Variants in TTC33 observed in about 807,000 individuals in gnomAD.
The protein encoded by TTC33 is tetratricopeptide repeat domain 33.
A neutral mutation model predicts 29.4 loss-of-function variants in TTC33; 24 were observed. The ratio of observed to expected loss-of-function variants is 0.82; its 90% CI spans 0.59 to 1.15. TTC33 has a LOEUF of 1.15. Among genes scored for constraint, TTC33 ranks in the 50% most tolerant of loss-of-function variants. The pLI, the probability that TTC33 is intolerant of heterozygous loss-of-function variation, is 0.00. For missense variants in TTC33, 286 were observed against 310.4 expected, an observed-to-expected ratio of 0.92 and a Z score of 0.59; for synonymous variants, 107 against 100.3, an observed-to-expected ratio of 1.07 and a Z score of -0.40.
At chr5:40,755,583 G>C (rs950717005) in intron 1 of TTC33, among the ~76,000 whole-genome samples, 1 of 152,218 alleles carries the variant, frequency 6.6e-6, no homozygotes, top group African/African-American at 2.4e-5. Context: ...CCGACCCTCA[G>C]ACTCGCTTGT....
intron 2 of TTC33, among the ~76,000 whole-genome samples, chr5:40,731,526 A>G (rs139945363): frequency 9.8e-5 from 15 of 152,316 alleles, no homozygotes; most frequent in African/African-American, 3.1e-4. Flanking sequence ...AAGCAAACAC[A>G]TCCTTCTTCA....
At chr5:40,733,980 C>T (rs1292508654) in intron 2 of TTC33, among the ~76,000 whole-genome samples, 4 of 152,196 alleles carry the variant, frequency 2.6e-5, no homozygotes, top group Non-Finnish European at 5.9e-5. Context: ...CTCAACTGCA[C>T]TGTCTTTTAT....
chr5:40,744,278 T>C (rs983463488), intron 2 of TTC33, among the ~76,000 whole-genome samples: 1 of 152,194 alleles, frequency 6.6e-6, no homozygotes, highest in African/African-American at 2.4e-5. Flanking sequence ...TAATTGATCT[T>C]GATTGCTATT....
At chr5:40,733,475 A>C (rs193256401) in intron 2 of TTC33, among the ~76,000 whole-genome samples, 369 of 152,336 alleles carry the variant, frequency 2.4e-3, no homozygotes, top group African/African-American at 8.5e-3. Context: ...TTATAAATAA[A>C]GTTTGCCAAC....
At chr5:40,753,972 G>C (rs1742941678) in intron 1 of TTC33, among the ~76,000 whole-genome samples, 2 of 151,876 alleles carry the variant, frequency 1.3e-5, no homozygotes, top group Admixed American at 6.6e-5. Context: ...CTGTGATAGG[G>C]TGGGAAGGAA....
chr5:40,728,434 C>T lies in TTC33; in HGVS notation c.346G>A (p.Ala116Thr). 1.2e-6 allele frequency: 2 copies of T among 1,613,712 alleles called. No homozygotes were observed. The highest frequency in any genetic ancestry group is 1.7e-6 in the Non-Finnish European group (2 of 1,179,898). The part of the protein sequence containing the change: ...LHEMFPAVHA[A>T]EMAVQQNPHS... ...GGATTTTGCTGGACGGCCATTTCTG[C>T]TGCATGTACTGCTGGGAACATTTCA... Residue 116 changes from alanine (A) to threonine (T), a missense_variant, in exon 4 of 5, where the codon GCA becomes ACA. Transcript: ENST00000337702.
intron 1 of TTC33, among the ~76,000 whole-genome samples, chr5:40,748,028 T>C (rs187630390): frequency 2.0e-5 from 3 of 152,198 alleles, no homozygotes; most frequent in Admixed American, 6.5e-5. Context: ...GATTTCACCA[T>C]GTTAGCCAGG....
chr5:40,751,799 A>G (rs1366529796), intron 1 of TTC33, among the ~76,000 whole-genome samples: 1 of 152,086 alleles, frequency 6.6e-6, no homozygotes, highest in Non-Finnish European at 1.5e-5. Context: ...TCTACTAAAA[A>G]TACAAAAATT....
intron 2 of TTC33, among the ~76,000 whole-genome samples, chr5:40,746,470 G>T (rs1742789995): frequency 6.6e-6 from 1 of 152,022 alleles, no homozygotes. Flanking sequence ...AGTTTCCAGT[G>T]ATAAGACCAC....
rs11553156 is a variant in TTC33, at chr5:40,712,671, T to C, written c.*3474A>G. On this transcript the variant is annotated 3_prime_UTR_variant, in exon 5 of 5. Coordinates refer to ENST00000337702, the MANE Select transcript of TTC33 (RefSeq NM_012382.3). ...CCACAACATCGGTTCTCTGCAGTTA[T>C]GACAAATCCACAAAAGGGAAAAAAG... is the stretch of plus-strand genomic sequence containing the variant. 0.01 allele frequency among the ~76,000 whole-genome samples: 1,565 copies of C among 152,260 alleles called. 21 individuals carry two copies. The highest frequency in any genetic ancestry group is 0.032 in the African/African-American group (1,337 of 41,544).
chr5:40,745,795 C>A (rs1245774066), intron 2 of TTC33, among the ~76,000 whole-genome samples: 2 of 151,658 alleles, frequency 1.3e-5, no homozygotes, highest in Non-Finnish European at 2.9e-5. Context: ...AGGGCAGTGG[C>A]AAGATCATAG....
intron 1 of TTC33, among the ~76,000 whole-genome samples, chr5:40,755,226 G>T (rs937508153): frequency 2.0e-5 from 3 of 152,172 alleles, no homozygotes; most frequent in Admixed American, 1.3e-4. Flanking sequence ...TGTCTTGAGT[G>T]TGTCTGAGGA....
At chr5:40,732,774 A>G (rs1742461318) in intron 2 of TTC33, among the ~76,000 whole-genome samples, 2 of 151,988 alleles carry the variant, frequency 1.3e-5, no homozygotes, top group Admixed American at 1.3e-4. Context: ...ACACCTGGCT[A>G]ATTTTTGTTT....
chr5:40,725,784 C>CT (rs35070396), intron 4 of TTC33, among the ~76,000 whole-genome samples: 5,731 of 126,036 alleles, frequency 0.045, 287 homozygotes, highest in African/African-American at 0.089. Context: ...TTCTCTTCAG[C>CT]TTTTTTTTTT....
intron 2 of TTC33, among the ~76,000 whole-genome samples, chr5:40,732,772 C>A (rs771153540): frequency 6.6e-6 from 1 of 152,068 alleles, no homozygotes; most frequent in Non-Finnish European, 1.5e-5. Context: ...CCACACCTGG[C>A]TAATTTTTGT....
chr5:40,745,016 A>G (rs1048971228), intron 2 of TTC33, among the ~76,000 whole-genome samples: 4 of 152,228 alleles, frequency 2.6e-5, no homozygotes, highest in Non-Finnish European at 4.4e-5. Context: ...CAAGAAACAC[A>G]TGAGATAGAG....
Position 40,714,255 on chromosome 5 carries a change from C to CT in TTC33, c.*1889dup. On this transcript the variant is annotated 3_prime_UTR_variant, in exon 5 of 5. Transcript: ENST00000337702. ...GGAAAGGATTACAAAAAAAGTTCTC[C>CT]TTTTTTAAAATCAGAGGAAATTGAG... Among the ~76,000 whole-genome samples, 1 of 152,234 alleles carries CT rather than the reference C, an allele frequency of 6.6e-6. No homozygotes were observed. The highest frequency in any genetic ancestry group is 6.5e-5 in the Admixed American group (1 of 15,288).
intron 2 of TTC33, among the ~76,000 whole-genome samples, chr5:40,741,493 C>T (rs1294740457): frequency 6.6e-6 from 1 of 152,208 alleles, no homozygotes; most frequent in Non-Finnish European, 1.5e-5. Context: ...TAATGTTCAA[C>T]AAAGACTCAA....
intron 1 of TTC33, among the ~76,000 whole-genome samples, chr5:40,747,858 T>C (rs1434465809): frequency 1.3e-5 from 2 of 152,100 alleles, no homozygotes; most frequent in African/African-American, 4.8e-5. Flanking sequence ...AAAGTTTTGC[T>C]CTTGTTGCCC....
Sources: gnomAD v4.1 joint callset for allele counts (sites outside exome capture counted in the v4.1 genomes callset) on GRCh38, gnomAD v4.1.1 for gene constraint, MANE v1.5 for transcripts, NCBI Gene and HGNC (gene_info 2026-07-23, HGNC 2026-07-21) for gene names.